Variants in KNDC1 observed in about 807,000 individuals in gnomAD.
KNDC1 encodes the protein kinase non-catalytic C-lobe domain containing 1.
KNDC1 carries 106 observed loss-of-function variants against 172.8 expected under a neutral mutation model. The ratio of observed to expected loss-of-function variants is 0.61; its 90% CI spans 0.52 to 0.72. The LOEUF is 0.72. Among genes scored for constraint, KNDC1 ranks in the 30% least tolerant of loss-of-function variants. The pLI, the probability that KNDC1 is intolerant of heterozygous loss-of-function variation, is 0.00. For synonymous variants in KNDC1, 1,083 were observed against 1,062.2 expected (o/e 1.02, Z -0.38); for missense variants, 2,325 against 2,394.5 (o/e 0.97, Z 0.61).
Position 133,198,482 on chromosome 10 carries a change from G to A in KNDC1, c.2052G>A (p.Gln684=). 2.5e-6 allele frequency: 4 copies of A among 1,605,422 alleles called. No individual in the cohort carries two copies. The highest frequency in any genetic ancestry group is 3.4e-6 in the Non-Finnish European group (4 of 1,175,576). The change falls in exon 13 of 30, where the codon CAG becomes CAA. Residue 684 remains glutamine, a synonymous_variant. Transcript: ENST00000304613. ...ATHFKPIVLA[Q]NASVARDQPA... ...ACTTCAAGCCCATTGTCCTCGCGCAGAACGCAAGTGTGGCCAGGTGAGCAT... is the reference window on the plus strand; with the variant it reads ...ACTTCAAGCCCATTGTCCTCGCGCAAAACGCAAGTGTGGCCAGGTGAGCAT...
chr10:133,179,736 G>A (rs764614065), intron 3 of KNDC1, among the ~76,000 whole-genome samples: 7 of 152,310 alleles, frequency 4.6e-5, no homozygotes, highest in South Asian at 2.1e-4. Flanking sequence ...GATCGCAGGC[G>A]CCGTGGGAGC....
At chr10:133,216,011 CA>C (rs1461030232) in intron 26 of KNDC1, among the ~76,000 whole-genome samples, 1 of 152,266 alleles carries the variant, frequency 6.6e-6, no homozygotes, top group African/African-American at 2.4e-5. Flanking sequence ...GTCCATCTAA[CA>C]AGTGTTAGAG....
chr10:133,184,014 G>T, intron 5 of KNDC1, 25 bp downstream of exon 5: 1 of 1,328,346 alleles, frequency 7.5e-7, no homozygotes, highest in Non-Finnish European at 1.0e-6. Flanking sequence ...CCACACACGT[G>T]CATCCTCATG....
intron 3 of KNDC1, among the ~76,000 whole-genome samples, chr10:133,171,339 C>T (rs938086513): frequency 2.0e-5 from 3 of 152,278 alleles, no homozygotes; most frequent in Non-Finnish European, 2.9e-5. Flanking sequence ...GGAGCAATCA[C>T]GGCTCACTGC....
intron 1 of KNDC1, chr10:133,167,035 G>A (rs1292986363): frequency 2.7e-6 from 1 of 365,370 alleles, no homozygotes. Context: ...GCCTCCACAG[G>A]CCAGTCCAGC....
In KNDC1 at chr10:133,186,044, C is replaced by A. The variant is rs1262045085; in HGVS notation, c.696C>A (p.Asp232Glu). ...GNAGPRRPPG[D>E]PSTDPEVLPT... ...CTGGGCCCAGGAGGCCGCCCGGGGACCCCAGCACTGACCCGGAGGTTCTGC... is the reference window on the plus strand; with the variant it reads ...CTGGGCCCAGGAGGCCGCCCGGGGAACCCAGCACTGACCCGGAGGTTCTGC... Residue 232 changes from aspartate to glutamate, a missense_variant, in exon 6 of 30, where the codon GAC (aspartate) becomes GAA (glutamate). By Grantham distance (45) the Asp-to-Glu change is conservative (BLOSUM62 2). Coordinates refer to ENST00000304613, the MANE Select transcript of KNDC1 (RefSeq NM_152643.8). 2 of 1,599,830 alleles carry A rather than the reference C, an allele frequency of 1.3e-6. No homozygotes were observed. Among genetic ancestry groups the A allele is most frequent in the Admixed American group, 1.7e-5 (1 of 58,328 alleles).
chr10:133,222,576 AGTGT>A (rs543278843), intron 29 of KNDC1, among the ~76,000 whole-genome samples: 1 of 7,328 alleles, frequency 1.4e-4, no homozygotes, highest in African/African-American at 2.7e-4. Context: ...TGCTCTTCCC[AGTGT>A]GTGTGTGTGT....
intron 28 of KNDC1, among the ~76,000 whole-genome samples, chr10:133,219,650 G>T (rs1471838448): frequency 1.3e-5 from 2 of 152,206 alleles, no homozygotes; most frequent in Non-Finnish European, 2.9e-5. Context: ...GGGAAGCTGG[G>T]TTACCTGGCA....
At position 133,160,324 on chromosome 10, in the gene KNDC1, C is replaced by T; in HGVS notation, c.-144C>T. On this transcript the variant is annotated 5_prime_UTR_variant, in exon 1 of 30. Coordinates refer to ENST00000304613, the MANE Select transcript of KNDC1 (RefSeq NM_152643.8). ...CGGGCCCGCCCCGTATCCCTGACCGCGTCCCCTGGAGACACTGCGGCAGCG... is the reference window on the plus strand; with the variant it reads ...CGGGCCCGCCCCGTATCCCTGACCGTGTCCCCTGGAGACACTGCGGCAGCG... The T allele has an allele frequency of 4.1e-6, 1 of 241,720 alleles. No homozygotes were observed. Among genetic ancestry groups the T allele is most frequent in the Non-Finnish European group, 7.4e-6 (1 of 135,562 alleles). 15.0% of individuals were successfully genotyped at this position (241,720 alleles called of 1,614,324 possible).
intron 21 of KNDC1, 33 bp from the exon 22 acceptor site, chr10:133,211,389 C>T: frequency 6.2e-7 from 1 of 1,601,844 alleles, no homozygotes; most frequent in East Asian, 2.2e-5. Flanking sequence ...ACTCCCACAT[C>T]CTGGCAGCTC....
intron 23 of KNDC1, among the ~76,000 whole-genome samples, 177 bp downstream of exon 23, chr10:133,212,035 G>C (rs1357513913): frequency 6.6e-6 from 1 of 152,130 alleles, no homozygotes; most frequent in Admixed American, 6.5e-5. Flanking sequence ...ATACATACCT[G>C]TGCACATCAC....
intron 21 of KNDC1, 114 bp downstream of exon 21, chr10:133,210,838 G>A (rs1037876211): frequency 9.1e-6 from 8 of 879,510 alleles, no homozygotes; most frequent in African/African-American, 1.6e-5. Context: ...CGACCCAAGG[G>A]GGTGAGGGGC....
chr10:133,160,630 CG>C (rs1351002430), intron 1 of KNDC1, 61 bp downstream of exon 1: 31 of 1,233,522 alleles, frequency 2.5e-5, no homozygotes, highest in East Asian at 2.9e-5. Flanking sequence ...GGAGAGCGCC[CG>C]GGGGGAGGAC....
chr10:133,217,341 C>T (rs965163051), intron 26 of KNDC1, among the ~76,000 whole-genome samples: 4 of 152,252 alleles, frequency 2.6e-5, no homozygotes, highest in South Asian at 2.1e-4. Context: ...CCTCTCAAGG[C>T]GCTCAGGCAA....
In KNDC1 at chr10:133,212,772, G is replaced by C. The variant is rs543767268; in HGVS notation, c.4293G>C (p.Glu1431Asp). The C allele has an allele frequency of 1.6e-4, 253 of 1,613,878 alleles. 4 individuals carry two copies. In the South Asian group the frequency reaches 2.6e-3, roughly 17 times the overall value. ...GNGLVLPPHK[E>D]RPYTIAAALP... ...GGCTGGTGCTGCCGCCACACAAGGA[G>C]CGCCCCTACACCATTGCTGCCGCCC... Residue 1431 changes from glutamate to aspartate, a missense_variant, in exon 24 of 30, where the codon GAG (glutamate) becomes GAC (aspartate). Glu to Asp is a conservative substitution (Grantham distance 45). Transcript: ENST00000304613.
At chr10:133,222,446 C>CATGT (rs1845618476) in intron 29 of KNDC1, among the ~76,000 whole-genome samples, 6 of 43,178 alleles carry the variant, frequency 1.4e-4, no homozygotes, top group African/African-American at 1.2e-4. Flanking sequence ...CTCTTCCCGG[C>CATGT]GTGTGTGTGT....
Position 133,211,148 on chromosome 10 carries a change from G to A in KNDC1, c.3909-274G>A, listed in dbSNP as rs555671880. Among the ~76,000 whole-genome samples, 123 of 152,166 alleles carry A rather than the reference G, an allele frequency of 8.1e-4. 1 individual carries two copies. Among genetic ancestry groups the A allele is most frequent in the Admixed American group, 5.8e-3 (89 of 15,298 alleles). On this transcript the variant is annotated intron_variant, in intron 21 of 29. Coordinates refer to ENST00000304613, the MANE Select transcript of KNDC1 (RefSeq NM_152643.8). ...CAGGAGAGGGGTGGTGGGCTGAGGG[G>A]GGAGGGGCTCTGCCTCTCTCTGGGC...
chr10:133,219,218 T>C (rs1436251474), intron 28 of KNDC1, 128 bp downstream of exon 28: 1 of 1,192,768 alleles, frequency 8.4e-7, no homozygotes, highest in African/African-American at 1.5e-5. Flanking sequence ...CCAGCCAGGG[T>C]GGCCTCACGG....
rs1400662373 is a variant in KNDC1 at position 133,212,860 on chromosome 10, C to G, written c.4381C>G (p.Pro1461Ala). ...GPCAKTSEKGPYFLTEYSTHQ... is the reference protein window; with the variant it reads ...GPCAKTSEKGAYFLTEYSTHQ... ...CTGCGCCAAGACCAGTGAGAAGGGG[C>G]CCTACTTCCTGACGGAGTACAGCAC... Residue 1461 changes from proline to alanine, a missense_variant, in exon 24 of 30, where the codon CCC (proline) becomes GCC (alanine). Physicochemically the swap from Pro to Ala is conservative, Grantham distance 27. Transcript: ENST00000304613. 1.2e-6 allele frequency: 2 copies of G among 1,613,850 alleles called. No individual in the cohort carries two copies. The highest frequency in any genetic ancestry group is 2.7e-5 in the African/African-American group (2 of 74,944).
Sources: allele counts gnomAD v4.1 joint callset (sites outside exome capture counted in the v4.1 genomes callset), GRCh38; gene constraint gnomAD v4.1.1; transcripts MANE v1.5; gene names NCBI Gene and HGNC (gene_info 2026-07-23, HGNC 2026-07-21).